TIMM10B: variants seen among roughly 807,000 people sequenced by gnomAD.
TIMM10B encodes the protein mitochondrial import inner membrane translocase subunit Tim10 B.
Under a neutral mutation model 12.6 loss-of-function variants are expected in TIMM10B, and 17 were observed. The ratio of observed to expected loss-of-function variants is 1.35; its 90% CI spans 0.92 to 2.03. The LOEUF is 2.03. Ranked by LOEUF, TIMM10B falls within the 30% of genes most tolerant of loss-of-function variation. The pLI is 0.00. For missense variants in TIMM10B, 165 were observed against 133.3 expected (o/e 1.24, Z -1.17); for synonymous variants, 63 against 51.3 (o/e 1.23, Z -0.97).
chr11:6,482,417 C>T lies in TIMM10B; in HGVS notation c.*196C>T. On this transcript the variant is annotated 3_prime_UTR_variant, in exon 3 of 3. Coordinates refer to ENST00000254616, the MANE Select transcript of TIMM10B (RefSeq NM_012192.4). ...TATATTCTGGGCAAGGAAGCTTTGCCTACTTTATTGGCACAATCCGTTGTT... is the reference window on the plus strand; with the variant it reads ...TATATTCTGGGCAAGGAAGCTTTGCTTACTTTATTGGCACAATCCGTTGTT... The T allele has an allele frequency of 1.7e-6, 1 of 574,242 alleles. No individual in the cohort carries two copies. The highest frequency in any genetic ancestry group is 3.1e-6 in the Non-Finnish European group (1 of 324,728). 35.6% of individuals were successfully genotyped at this position (574,242 alleles called of 1,614,324 possible).
rs752954043 is a variant in TIMM10B at position 6,481,524 on chromosome 11, GGCA to G, written c.21_23del (p.Gln10del). The G allele has an allele frequency of 1.6e-5, 25 of 1,609,350 alleles. No homozygotes were observed. The highest frequency in any genetic ancestry group is 3.4e-5 in the Admixed American group (2 of 59,568). On this transcript the variant is annotated inframe_deletion, in exon 1 of 3. Transcript: ENST00000254616. ...GCATGCGCCGGTGGCGTGATGGAGC[GGCA>G]GCAGCAGCAGCAACAGCAACTGCGA...
rs1260658425 is a variant in TIMM10B at position 6,482,410 on chromosome 11, G to C, written c.*189G>C. On this transcript the variant is annotated 3_prime_UTR_variant, in exon 3 of 3. Coordinates refer to ENST00000254616, the MANE Select transcript of TIMM10B (RefSeq NM_012192.4). ...TTTGATTTATATTCTGGGCAAGGAA[G>C]CTTTGCCTACTTTATTGGCACAATC... 5.2e-6 allele frequency: 3 copies of C among 580,074 alleles called. No individual in the cohort carries two copies. 35.9% of individuals were successfully genotyped at this position (580,074 alleles called of 1,614,324 possible).
At position 6,482,475 on chromosome 11, in the gene TIMM10B, C is replaced by A; in HGVS notation, c.*254C>A. Reference sequence around the variant, plus strand: ...TTAGTGCATATCTGCTGGCTTCAGCCCTGGCAGCTGAGAAATTGTTTTCTA... The same window carrying A: ...TTAGTGCATATCTGCTGGCTTCAGCACTGGCAGCTGAGAAATTGTTTTCTA... On this transcript the variant is annotated 3_prime_UTR_variant, in exon 3 of 3. Coordinates refer to ENST00000254616, the MANE Select transcript of TIMM10B (RefSeq NM_012192.4). 2.3e-6 allele frequency: 1 copy of A among 441,492 alleles called. No homozygotes were observed. 27.3% of individuals were successfully genotyped at this position (441,492 alleles called of 1,614,324 possible).
At chr11:6,481,716 G>T in intron 1 of TIMM10B, 41 bp from the exon 2 acceptor site, 1 of 1,613,502 alleles carries the variant, frequency 6.2e-7, no homozygotes. Flanking sequence ...TAGAAGTGTG[G>T]GGCCCTTATC....
intron 2 of TIMM10B, 88 bp from the exon 3 acceptor site, chr11:6,481,957 C>T: frequency 2.5e-6 from 4 of 1,598,194 alleles, no homozygotes; most frequent in Non-Finnish European, 3.4e-6. Flanking sequence ...TTCCCACGAC[C>T]CTCACCCCTA....
chr11:6,481,868 G>T lies in TIMM10B; in HGVS notation c.135+16G>T, dbSNP rs755072241. Reference sequence around the variant, plus strand: ...CGCTGAGGAGGTGGGGAACTGTGTAGGGAGGTTACGCTGCAAGAAGAGTTT... The same window carrying T: ...CGCTGAGGAGGTGGGGAACTGTGTATGGAGGTTACGCTGCAAGAAGAGTTT... On this transcript the variant is annotated intron_variant, in intron 2 of 2. Coordinates refer to ENST00000254616, the MANE Select transcript of TIMM10B (RefSeq NM_012192.4). The T allele has an allele frequency of 1.2e-6, 2 of 1,613,186 alleles. No homozygotes were observed. The highest frequency in any genetic ancestry group is 8.5e-7 in the Non-Finnish European group (1 of 1,179,946).
rs1418502568 is a variant in TIMM10B at position 6,482,899 on chromosome 11, A to T, written c.*678A>T. The T allele has an allele frequency of 6.6e-6, 1 of 152,236 alleles. No individual in the cohort carries two copies. The highest frequency in any genetic ancestry group is 1.5e-5 in the Non-Finnish European group (1 of 68,046). The allele number at this position is 152,236 out of a possible 1,614,324, so 9.4% of individuals were successfully genotyped here. A position where few individuals can be genotyped will look rare whatever the true frequency, so the allele number is the denominator to read the frequency against. On this transcript the variant is annotated 3_prime_UTR_variant, in exon 3 of 3. Coordinates refer to ENST00000254616, the MANE Select transcript of TIMM10B (RefSeq NM_012192.4). ...GAAGTACAACGGATCAAAAAACCAC[A>T]GGGCTTTTGGGCACTGCCTCCTTGG...
rs969377394 is a variant in TIMM10B at position 6,482,737 on chromosome 11, C to G, written c.*516C>G. ...AGATGACAGAAAATGGGAGCTCTGT[C>G]TAGTTGTCCTTAAGTCTGACTGACT... On this transcript the variant is annotated 3_prime_UTR_variant, in exon 3 of 3. Coordinates refer to ENST00000254616, the MANE Select transcript of TIMM10B (RefSeq NM_012192.4). The G allele has an allele frequency of 6.4e-6, 1 of 155,280 alleles. No homozygotes were observed. The highest frequency in any genetic ancestry group is 2.4e-5 in the African/African-American group (1 of 41,486). The allele number at this position is 155,280 out of a possible 1,614,324, so 9.6% of individuals were successfully genotyped here.
rs116264541 is a variant in TIMM10B at position 6,481,804 on chromosome 11, C to T, written c.87C>T (p.Phe29=). Residue 29 remains phenylalanine, a synonymous_variant, in exon 2 of 3, where the codon TTC becomes TTT. Transcript: ENST00000254616. The stretch of plus-strand genomic sequence containing the variant: ...ACAATCGGATGACAGAACTCTGCTT[C>T]CAGCGCTGTGTGCCCAGCTTGCACC... ...LVYNRMTELC[F]QRCVPSLHHR... 1.3e-4 allele frequency: 217 copies of T among 1,614,104 alleles called. No individual in the cohort carries two copies. In the African/African-American group the frequency reaches 2.4e-3, roughly 18 times the overall value.
chr11:6,482,441 T>C lies in TIMM10B; in HGVS notation c.*220T>C, dbSNP rs1309915628. On this transcript the variant is annotated 3_prime_UTR_variant, in exon 3 of 3. Coordinates refer to ENST00000254616, the MANE Select transcript of TIMM10B (RefSeq NM_012192.4). ...CCTACTTTATTGGCACAATCCGTTGTTCTGTCGTTTAGTGCATATCTGCTG... is the reference window on the plus strand; with the variant it reads ...CCTACTTTATTGGCACAATCCGTTGCTCTGTCGTTTAGTGCATATCTGCTG... 2 of 548,020 alleles carry C rather than the reference T, an allele frequency of 3.6e-6. No homozygotes were observed. Among genetic ancestry groups the C allele is most frequent in the Non-Finnish European group, 6.5e-6 (2 of 305,548 alleles). The allele number at this position is 548,020 out of a possible 1,614,324, so 33.9% of individuals were successfully genotyped here.
rs945252954 is a variant in TIMM10B, at chr11:6,483,819, T to C, written c.*1598T>C. ...CTATCCTATCTACAGAGCAGAAAAT[T>C]GAAATTCTCAAGTAGCAGACCCGGT... On this transcript the variant is annotated 3_prime_UTR_variant, in exon 3 of 3. Coordinates refer to ENST00000254616, the MANE Select transcript of TIMM10B (RefSeq NM_012192.4). 4 of 152,182 alleles carry C rather than the reference T, an allele frequency of 2.6e-5. No homozygotes were observed. The highest frequency in any genetic ancestry group is 1.3e-4 in the Admixed American group (2 of 15,288). The allele number at this position is 152,182 out of a possible 1,614,324, so 9.4% of individuals were successfully genotyped here.
In TIMM10B at chr11:6,484,602, T is replaced by C. The variant is rs1430757926; in HGVS notation, c.*2381T>C. On this transcript the variant is annotated 3_prime_UTR_variant, in exon 3 of 3. Coordinates refer to ENST00000254616, the MANE Select transcript of TIMM10B (RefSeq NM_012192.4). ...CCAGAAGATAGGAGGATGGGACCTG[T>C]GATACTGTGCTGCTGGTGGGAGGAC... is the stretch of plus-strand genomic sequence containing the variant. 1.3e-5 allele frequency: 2 copies of C among 152,262 alleles called. No individual in the cohort carries two copies. The highest frequency in any genetic ancestry group is 4.8e-5 in the African/African-American group (2 of 41,462). 9.4% of individuals were successfully genotyped at this position (152,262 alleles called of 1,614,324 possible). A position where few individuals can be genotyped will look rare whatever the true frequency, so the allele number is the denominator to read the frequency against.
rs551421046 is a variant in TIMM10B at position 6,483,866 on chromosome 11, T to C, written c.*1645T>C. ...CGGTATTAAAGTGCAGATCTGACTT[T>C]AAAGTCCATGTTCATTTTACACAGC... On this transcript the variant is annotated 3_prime_UTR_variant, in exon 3 of 3. Coordinates refer to ENST00000254616, the MANE Select transcript of TIMM10B (RefSeq NM_012192.4). 4.6e-5 allele frequency: 7 copies of C among 152,356 alleles called. No homozygotes were observed. Among genetic ancestry groups the C allele is most frequent in the Admixed American group, 1.3e-4 (2 of 15,308 alleles). The allele number at this position is 152,356 out of a possible 1,614,324, so 9.4% of individuals were successfully genotyped here.
In TIMM10B at chr11:6,482,293, G is replaced by A. The variant is rs1322441762; in HGVS notation, c.*72G>A. 1.4e-6 allele frequency: 2 copies of A among 1,431,720 alleles called. No individual in the cohort carries two copies. Among genetic ancestry groups the A allele is most frequent in the South Asian group, 1.3e-5 (1 of 79,362 alleles). The allele number at this position is 1,431,720 out of a possible 1,614,324, so 88.7% of individuals were successfully genotyped here. A position where few individuals can be genotyped will look rare whatever the true frequency, so the allele number is the denominator to read the frequency against. ...GAAGGACCCGGTGGACCTTGGGGTT[G>A]GTGAATCCTAAACAGAGAGAATTCG... On this transcript the variant is annotated 3_prime_UTR_variant, in exon 3 of 3. Coordinates refer to ENST00000254616, the MANE Select transcript of TIMM10B (RefSeq NM_012192.4).
Position 6,482,207 on chromosome 11 carries a change from C to A in TIMM10B, c.298C>A (p.Pro100Thr). The A allele has an allele frequency of 6.2e-7, 1 of 1,606,192 alleles. No homozygotes were observed. The highest frequency in any genetic ancestry group is 8.5e-7 in the Non-Finnish European group (1 of 1,178,442). Residue 100 changes from proline to threonine, a missense_variant, in exon 3 of 3, where the codon CCA becomes ACA. Coordinates refer to ENST00000254616, the MANE Select transcript of TIMM10B (RefSeq NM_012192.4). ...TGCTGCTGAACAGCCTGGGGTCTCT[C>A]CATCAGGCAGCTAGCCATACCCAAC... Reference protein sequence around the residue: ...GVAAEQPGVSPSGS With the variant: ...GVAAEQPGVSTSGS
chr11:6,481,556 G>C lies in TIMM10B; in HGVS notation c.39+1G>C, dbSNP rs371914546. The C allele has an allele frequency of 1.0e-5, 16 of 1,607,046 alleles. No individual in the cohort carries two copies. The highest frequency in any genetic ancestry group is 4.0e-5 in the African/African-American group (3 of 74,664). Reference sequence around the variant, plus strand: ...GCAGCAGCAACAGCAACTGCGAAACGTAAGTGAGAACTAAGTCGTTTCGAG... The same window carrying C: ...GCAGCAGCAACAGCAACTGCGAAACCTAAGTGAGAACTAAGTCGTTTCGAG... On this transcript the variant is annotated splice_donor_variant, in intron 1 of 2. Coordinates refer to ENST00000254616, the MANE Select transcript of TIMM10B (RefSeq NM_012192.4). LOFTEE classifies it high-confidence loss of function.
Position 6,482,367 on chromosome 11 carries a change from T to C in TIMM10B, c.*146T>C, listed in dbSNP as rs1851829280. On this transcript the variant is annotated 3_prime_UTR_variant, in exon 3 of 3. Transcript: ENST00000254616. ...CTTGCTCCTTTTCCTGGAGCCAATA[T>C]ACCCAGTTTTTACTCAGTTTGATTT... 1 of 691,670 alleles carries C rather than the reference T, an allele frequency of 1.4e-6. No individual in the cohort carries two copies. Among genetic ancestry groups the C allele is most frequent in the East Asian group, 2.7e-5 (1 of 36,464 alleles). The allele number at this position is 691,670 out of a possible 1,614,324, so 42.8% of individuals were successfully genotyped here. A position where few individuals can be genotyped will look rare whatever the true frequency, so the allele number is the denominator to read the frequency against.
rs1851847426 is a variant in TIMM10B, at chr11:6,482,778, C to G, written c.*557C>G. On this transcript the variant is annotated 3_prime_UTR_variant, in exon 3 of 3. Transcript: ENST00000254616. ...CTGACTGACTTCAGTGGCTCATAACCGTGAGCCAAGTATTTGTTGGTTCAT... is the reference window on the plus strand; with the variant it reads ...CTGACTGACTTCAGTGGCTCATAACGGTGAGCCAAGTATTTGTTGGTTCAT... 6.5e-6 allele frequency: 1 copy of G among 153,098 alleles called. No homozygotes were observed. The highest frequency in any genetic ancestry group is 2.4e-5 in the African/African-American group (1 of 41,454). The allele number at this position is 153,098 out of a possible 1,614,324, so 9.5% of individuals were successfully genotyped here.
At chr11:6,481,873 G>A (rs1851795825) in intron 2 of TIMM10B, 21 bp downstream of exon 2, 1 of 1,612,848 alleles carries the variant, frequency 6.2e-7, no homozygotes, top group African/African-American at 1.3e-5. Flanking sequence ...GTGTAGGGAG[G>A]TTACGCTGCA....
Sources: allele counts gnomAD v4.1 joint callset, GRCh38; gene constraint gnomAD v4.1.1; transcripts MANE v1.5; gene names NCBI Gene and HGNC (gene_info 2026-07-23, HGNC 2026-07-21).